Variants in HOXB3 observed in about 807,000 individuals in gnomAD.
HOXB3 encodes homeobox B3.
Under a neutral mutation model 29.2 loss-of-function variants are expected in HOXB3, and 17 were observed. The observed-to-expected ratio is 0.58, with a 90% CI of 0.40 to 0.87. The LOEUF (loss-of-function observed/expected upper bound fraction) is 0.87. Among genes scored for constraint, HOXB3 ranks in the 40% least tolerant of loss-of-function variants. HOXB3 has a pLI of 0.00. For missense variants in HOXB3, 637 were observed against 616.3 expected (o/e 1.03, Z -0.35); for synonymous variants, 317 against 285.9 (o/e 1.11, Z -1.10).
intron 1 of HOXB3, among the ~76,000 whole-genome samples, chr17:48,587,819 A>C (rs764462180): frequency 5.3e-5 from 8 of 151,936 alleles, no homozygotes; most frequent in South Asian, 2.1e-4. Context: ...AAAACAAAAC[A>C]AAAAAAATCA....
At position 48,550,713 on chromosome 17, in the gene HOXB3, G is replaced by A; in HGVS notation, c.917C>T (p.Ser306Phe). 1 of 1,548,574 alleles carries A rather than the reference G, an allele frequency of 6.5e-7. No homozygotes were observed. The highest frequency in any genetic ancestry group is 8.7e-7 in the Non-Finnish European group (1 of 1,146,448). ...GCCTTTGAGAGGGGGCTGGTAGTTG[G>A]AGGGCAGCGCGTAGGCATTCTGGTG... The part of the protein sequence containing the change: ...KAHQNAYALP[S>F]NYQPPLKGCG... The change falls in exon 5 of 5, where the codon TCC becomes TTC. Residue 306 changes from serine to phenylalanine, a missense_variant. Ser to Phe is a radical substitution (Grantham distance 155). Transcript: ENST00000498678.
Position 48,578,538 on chromosome 17 carries a change from C to T in HOXB3, c.-424-4524G>A, listed in dbSNP as rs545338659. On this transcript the variant is annotated intron_variant, in intron 1 of 4. Transcript: ENST00000498678. ...AAAGAGGTTTATTTCCCCTTCTTCC[C>T]TTCCCCCTCCCCACCCACCCACCCA... 798 of 527,978 alleles carry T rather than the reference C, an allele frequency of 1.5e-3. 6 individuals are homozygous for T. Among genetic ancestry groups the T allele is most frequent in the African/African-American group, 0.014 (700 of 49,110 alleles). The allele number at this position is 527,978 out of a possible 1,614,324, so 32.7% of individuals were successfully genotyped here.
At chr17:48,577,366 A>G (rs2144887990) in intron 1 of HOXB3, among the ~76,000 whole-genome samples, 2 of 152,284 alleles carry the variant, frequency 1.3e-5, no homozygotes, top group Middle Eastern at 3.4e-3. Context: ...AGGTTTCCCT[A>G]AACCTTTCCT....
chr17:48,560,978 C>G (rs546404716), intron 2 of HOXB3, among the ~76,000 whole-genome samples: 1 of 152,078 alleles, frequency 6.6e-6, no homozygotes, highest in African/African-American at 2.4e-5. Flanking sequence ...GTTGGGAGTT[C>G]GAGACCAGCC....
intron 3 of HOXB3, chr17:48,553,806 A>T (rs2068858831): frequency 6.6e-6 from 1 of 152,144 alleles, no homozygotes. Flanking sequence ...GAAACTTCTG[A>T]CTGCATTTTT....
At chr17:48,582,554 T>C (rs1567966014) in intron 1 of HOXB3, 1 of 152,198 alleles carries the variant, frequency 6.6e-6, no homozygotes, top group Non-Finnish European at 1.5e-5. Flanking sequence ...AACATTTTAA[T>C]AATTTTTAGA....
intron 1 of HOXB3, chr17:48,581,575 T>A (rs548581506): frequency 4.0e-4 from 61 of 151,956 alleles, no homozygotes; most frequent in African/African-American, 1.4e-3. Context: ...ATACCTCCTG[T>A]CCTTCTCAAC....
In HOXB3 at chr17:48,573,817, C is replaced by A. The variant is rs963368527; in HGVS notation, c.-247+20G>T. On this transcript the variant is annotated intron_variant, in intron 2 of 4. Coordinates refer to ENST00000498678, the MANE Select transcript of HOXB3 (RefSeq NM_001384749.1). ...CATAAAACGATCAAAACACGCCAGC[C>A]CGGGCCCGGGCTTTGTTACCTTTGC... The A allele has an allele frequency of 1.4e-6, 1 of 701,686 alleles. No homozygotes were observed. 43.5% of individuals were successfully genotyped at this position (701,686 alleles called of 1,614,324 possible). A position where few individuals can be genotyped will look rare whatever the true frequency, so the allele number is the denominator to read the frequency against.
At chr17:48,564,277 G>A (rs1473300051) in intron 2 of HOXB3, among the ~76,000 whole-genome samples, 2 of 151,662 alleles carry the variant, frequency 1.3e-5, no homozygotes, top group African/African-American at 4.8e-5. Flanking sequence ...GCGCGCGGGG[G>A]CCGACTGCCA....
At position 48,550,828 on chromosome 17, in the gene HOXB3, G is replaced by C. The variant is rs749271465; in HGVS notation, c.802C>G (p.Pro268Ala). ...GPSPAGSPPQ[P>A]MQSTAGFMNA... Reference sequence around the variant, plus strand: ...ATGAAGCCGGCCGTGGACTGCATGGGCTGCGGGGGGCTGCCGGCTGGAGAT... The same window carrying C: ...ATGAAGCCGGCCGTGGACTGCATGGCCTGCGGGGGGCTGCCGGCTGGAGAT... Residue 268 changes from proline to alanine, a missense_variant, in exon 5 of 5, where the codon CCC becomes GCC. Physicochemically the swap from Pro to Ala is conservative, Grantham distance 27 (BLOSUM62 -1). Transcript: ENST00000498678. The C allele has an allele frequency of 1.9e-6, 3 of 1,613,774 alleles. No individual in the cohort carries two copies. In the South Asian group the frequency reaches 3.3e-5, roughly 18 times the overall value.
At chr17:48,557,887 A>G (rs2144783509) in intron 2 of HOXB3, among the ~76,000 whole-genome samples, 1 of 152,126 alleles carries the variant, frequency 6.6e-6, no homozygotes, top group East Asian at 1.9e-4. Flanking sequence ...TGTGGCTGCA[A>G]AAAGTCTGTC....
intron 1 of HOXB3, among the ~76,000 whole-genome samples, chr17:48,589,186 C>G (rs1353356491): frequency 1.3e-5 from 2 of 152,104 alleles, no homozygotes; most frequent in Non-Finnish European, 2.9e-5. Flanking sequence ...AGGGTGTGCC[C>G]AGAAAAGAAG....
intron 2 of HOXB3, among the ~76,000 whole-genome samples, chr17:48,565,003 C>A (rs2069342719): frequency 7.6e-6 from 1 of 130,910 alleles, no homozygotes; most frequent in African/African-American, 2.7e-5. Context: ...GAAGCATCCG[C>A]TTGTTAAGGC....
chr17:48,588,904 A>G (rs2070095675), intron 1 of HOXB3, among the ~76,000 whole-genome samples: 1 of 152,234 alleles, frequency 6.6e-6, no homozygotes, highest in Admixed American at 6.5e-5. Flanking sequence ...TCCTTGTCCC[A>G]AAGATCAGAA....
intron 1 of HOXB3, among the ~76,000 whole-genome samples, chr17:48,589,629 C>T (rs1319823303): frequency 6.6e-6 from 1 of 152,214 alleles, no homozygotes; most frequent in African/African-American, 2.4e-5. Flanking sequence ...GGCAAGGTAG[C>T]CCACAGCAGC....
intron 1 of HOXB3, among the ~76,000 whole-genome samples, chr17:48,589,377 C>G (rs548270622): frequency 5.3e-5 from 8 of 152,308 alleles, no homozygotes; most frequent in East Asian, 3.9e-4. Flanking sequence ...TCCCTTCCCC[C>G]ACTCCTGGTT....
At chr17:48,576,650 T>TGCCC in intron 1 of HOXB3, 17 of 567,756 alleles carry the variant, frequency 3.0e-5, no homozygotes, top group East Asian at 1.6e-4. Context: ...CCCCCTCCTG[T>TGCCC]CCCCCCACCC....
Position 48,550,574 on chromosome 17 carries a change from G to T in HOXB3, c.1056C>A (p.Tyr352Ter). ...GTPTMQGSPV[Y>*]VGGGGYADPL... The stretch of plus-strand genomic sequence containing the variant: ...GATCCGCGTAGCCGCCCCCGCCCAC[G>T]TACACCGGACTGCCCTGCATGGTGG... Residue 352 changes from tyrosine (Y) to a stop codon, truncating the protein, a stop_gained, in exon 5 of 5, where the codon TAC becomes TAA. Transcript: ENST00000498678. LOFTEE classifies it high-confidence loss of function. 1 of 1,525,912 alleles carries T rather than the reference G, an allele frequency of 6.6e-7. No homozygotes were observed. Among genetic ancestry groups the T allele is most frequent in the Non-Finnish European group, 8.7e-7 (1 of 1,147,246 alleles). 94.5% of individuals were successfully genotyped at this position (1,525,912 alleles called of 1,614,324 possible). A position where few individuals can be genotyped will look rare whatever the true frequency, so the allele number is the denominator to read the frequency against.
rs368788191 is a variant in HOXB3 at position 48,576,802 on chromosome 17, T to C, written c.-424-2788A>G. On this transcript the variant is annotated intron_variant, in intron 1 of 4. Coordinates refer to ENST00000498678, the MANE Select transcript of HOXB3 (RefSeq NM_001384749.1). ...GCCGCACCACCCGAGCGGATCTTGG[T>C]GTTGGGCAACTTGTGGTCTTTTTTC... is the stretch of plus-strand genomic sequence containing the variant. 3.1e-6 allele frequency: 5 copies of C among 1,614,116 alleles called. No homozygotes were observed. In the African/African-American group the frequency reaches 6.7e-5, roughly 22 times the overall value.
Sources: allele counts gnomAD v4.1 joint callset (sites outside exome capture counted in the v4.1 genomes callset), GRCh38; gene constraint gnomAD v4.1.1; transcripts MANE v1.5; gene names NCBI Gene and HGNC (gene_info 2026-07-23, HGNC 2026-07-21).